BAAT: variants seen among roughly 807,000 people sequenced by gnomAD.
BAAT encodes bile acid CoA: amino acid N-acyltransferase (glycine N-choloyltransferase).
BAAT carries 13 observed loss-of-function variants against 18.9 expected under a neutral mutation model. The ratio of observed to expected loss-of-function variants is 0.69; its 90% confidence interval spans 0.45 to 1.10. The LOEUF is 1.10. BAAT is among the 50% of genes least tolerant of loss of function. BAAT has a pLI of 0.00. For missense variants in BAAT, 489 were observed against 504.0 expected (o/e 0.97, Z 0.28); for synonymous variants, 170 against 190.7 (o/e 0.89, Z 0.89).
chr9:101,376,266 A>T (rs1183647050), intron 1 of BAAT: 2 of 190,998 alleles, frequency 1.0e-5, no homozygotes, highest in Non-Finnish European at 2.3e-5. Flanking sequence ...CTAGAGACGG[A>T]TGATTCATAG....
chr9:101,365,786 G>C (rs759323763), intron 3 of BAAT, among the ~76,000 whole-genome samples: 7 of 151,982 alleles, frequency 4.6e-5, no homozygotes, highest in Non-Finnish European at 1.0e-4. Flanking sequence ...TGCCCACCTC[G>C]GCCTCCCAAA....
intron 1 of BAAT, among the ~76,000 whole-genome samples, chr9:101,382,885 G>A (rs1209051748): frequency 6.6e-6 from 1 of 151,996 alleles, no homozygotes; most frequent in Non-Finnish European, 1.5e-5. Context: ...GCTTTTTTTG[G>A]TATTTTTTAA....
chr9:101,380,848 G>C (rs993195598), intron 1 of BAAT, among the ~76,000 whole-genome samples: 1 of 152,136 alleles, frequency 6.6e-6, no homozygotes, highest in Non-Finnish European at 1.5e-5. Context: ...CCACTTCCCA[G>C]TTCAAGTGAT....
At chr9:101,365,186 G>T (rs2119017261) in intron 3 of BAAT, among the ~76,000 whole-genome samples, 1 of 152,286 alleles carries the variant, frequency 6.6e-6, no homozygotes, top group East Asian at 1.9e-4. Flanking sequence ...CTCCTGGCAA[G>T]GACAGAGTCC....
At chr9:101,380,247 T>C (rs1156398968) in intron 1 of BAAT, among the ~76,000 whole-genome samples, 1 of 152,206 alleles carries the variant, frequency 6.6e-6, no homozygotes, top group Admixed American at 6.5e-5. Flanking sequence ...GCACCTACCA[T>C]AAATCCTACC....
intron 2 of BAAT, among the ~76,000 whole-genome samples, chr9:101,369,800 T>C (rs1829898278): frequency 6.6e-6 from 1 of 152,200 alleles, no homozygotes; most frequent in Admixed American, 6.5e-5. Flanking sequence ...CTTTTTTTTC[T>C]TCTGAGAAAT....
intron 1 of BAAT, 159 bp from the exon 2 acceptor site, chr9:101,371,622 C>A (rs1829947191): frequency 3.3e-6 from 2 of 597,268 alleles, no homozygotes; most frequent in South Asian, 4.1e-5. Context: ...CACCTGAGAG[C>A]TTTCAATGAA....
At chr9:101,368,718 AG>A (rs1829876246) in intron 2 of BAAT, among the ~76,000 whole-genome samples, 1 of 152,194 alleles carries the variant, frequency 6.6e-6, no homozygotes, top group Non-Finnish European at 1.5e-5. Flanking sequence ...AAATTAGGCC[AG>A]GGCTTCTTAA....
rs1829716829 is a variant in BAAT, at chr9:101,361,234, G to C, written c.*1194C>G. 1 of 154,176 alleles carries C rather than the reference G, an allele frequency of 6.5e-6. No homozygotes were observed. Among genetic ancestry groups the C allele is most frequent in the Non-Finnish European group, 1.5e-5 (1 of 67,970 alleles). 9.6% of individuals were successfully genotyped at this position (154,176 alleles called of 1,614,324 possible). A position where few individuals can be genotyped will look rare whatever the true frequency, so the allele number is the denominator to read the frequency against. On this transcript the variant is annotated 3_prime_UTR_variant, in exon 4 of 4. Coordinates refer to ENST00000259407, the MANE Select transcript of BAAT (RefSeq NM_001701.4). ...ATTAGCAGATGTTTGTATGTCTCTA[G>C]ATATTTAACTGACCCACTATATTCC...
At chr9:101,377,854 C>A (rs566095050) in intron 1 of BAAT, among the ~76,000 whole-genome samples, 10 of 152,082 alleles carry the variant, frequency 6.6e-5, no homozygotes, top group Non-Finnish European at 1.5e-4. Context: ...ATTTAGAGAA[C>A]CCCATCATCT....
At chr9:101,367,330 T>C (rs1271681576) in intron 3 of BAAT, among the ~76,000 whole-genome samples, 1 of 152,040 alleles carries the variant, frequency 6.6e-6, no homozygotes, top group African/African-American at 2.4e-5. Flanking sequence ...AGATTATCTG[T>C]CCAGTTAAGT....
chr9:101,366,858 T>TA (rs111934309), intron 3 of BAAT, among the ~76,000 whole-genome samples: 3,558 of 146,704 alleles, frequency 0.024, 149 homozygotes, highest in African/African-American at 0.081. Flanking sequence ...CAATTCTTAT[T>TA]AAAAAAAAAA....
At chr9:101,367,108 C>CAAAAAA (rs1310860267) in intron 3 of BAAT, among the ~76,000 whole-genome samples, 6 of 39,370 alleles carry the variant, frequency 1.5e-4, no homozygotes, top group African/African-American at 6.2e-4. Flanking sequence ...GAGACTCTGT[C>CAAAAAA]AAAAAAAGAA....
chr9:101,368,030 T>A, intron 3 of BAAT, 90 bp downstream of exon 3: 2 of 1,378,930 alleles, frequency 1.5e-6, no homozygotes, highest in Non-Finnish European at 2.0e-6. Context: ...CCAGCCTGGG[T>A]GACGGAGCAA....
chr9:101,378,842 C>A (rs1251937282), intron 1 of BAAT, among the ~76,000 whole-genome samples: 1 of 152,108 alleles, frequency 6.6e-6, no homozygotes, highest in Non-Finnish European at 1.5e-5. Flanking sequence ...TGACAAAGGG[C>A]TAACATCCAG....
intron 1 of BAAT, among the ~76,000 whole-genome samples, chr9:101,373,096 C>T (rs1262354748): frequency 6.6e-6 from 1 of 152,084 alleles, no homozygotes; most frequent in Non-Finnish European, 1.5e-5. Flanking sequence ...TGAAAACACC[C>T]TTATATCATA....
chr9:101,371,880 T>C (rs3824471), intron 1 of BAAT, among the ~76,000 whole-genome samples: 122,798 of 151,984 alleles, frequency 0.81, 49,806 homozygotes, highest in Non-Finnish European at 0.85. Context: ...AATCCCTTCC[T>C]CAAGTCCTGG....
chr9:101,375,803 C>G (rs1830032591), intron 1 of BAAT, among the ~76,000 whole-genome samples: 1 of 152,238 alleles, frequency 6.6e-6, no homozygotes, highest in South Asian at 2.1e-4. Flanking sequence ...AGCGCACTAG[C>G]TGCGATTCCG....
intron 2 of BAAT, among the ~76,000 whole-genome samples, chr9:101,368,639 T>C (rs955201610): frequency 1.3e-5 from 2 of 152,134 alleles, no homozygotes; most frequent in African/African-American, 2.4e-5. Flanking sequence ...GAGACATATT[T>C]ACTCTCTGCA....
Sources: allele counts gnomAD v4.1 joint callset (sites outside exome capture counted in the v4.1 genomes callset), GRCh38; gene constraint gnomAD v4.1.1; transcripts MANE v1.5; gene names NCBI Gene and HGNC (gene_info 2026-07-23, HGNC 2026-07-21).